HECW1: variants seen among roughly 807,000 people sequenced by gnomAD.
HECW1 encodes the protein HECT, C2 and WW domain containing E3 ubiquitin protein ligase 1.
A neutral mutation model predicts 182.3 loss-of-function variants in HECW1; 61 were observed. The ratio of observed to expected loss-of-function variants is 0.33; its 90% CI spans 0.27 to 0.41. The LOEUF is 0.41. Among genes scored for constraint, HECW1 ranks in the 10% least tolerant of loss-of-function variants. HECW1 has a pLI of 1.00. For missense variants in HECW1, 1,739 were observed against 2,108.9 expected (o/e 0.82, Z 3.44); for synonymous variants, 859 against 832.6 (o/e 1.03, Z -0.55).
intron 17 of HECW1, among the ~76,000 whole-genome samples, chr7:43,488,428 A>AAGAG (rs768380245): frequency 9.3e-6 from 1 of 108,034 alleles, no homozygotes; most frequent in Non-Finnish European, 1.9e-5. Flanking sequence ...GAGAGAAAGA[A>AAGAG]AGAAAGAGAA....
chr7:43,431,329 C>G (rs546219967), intron 8 of HECW1, among the ~76,000 whole-genome samples: 1 of 152,188 alleles, frequency 6.6e-6, no homozygotes, highest in Admixed American at 6.5e-5. Context: ...CTTTGGGACA[C>G]TCAGTCATTC....
intron 8 of HECW1, among the ~76,000 whole-genome samples, chr7:43,424,803 A>G (rs564357737): frequency 1.3e-5 from 2 of 152,294 alleles, no homozygotes; most frequent in East Asian, 1.9e-4. Flanking sequence ...AATTATCACT[A>G]TACTGATACC....
At chr7:43,288,100 C>G (rs1295874741) in intron 3 of HECW1, among the ~76,000 whole-genome samples, 2 of 152,080 alleles carry the variant, frequency 1.3e-5, no homozygotes, top group African/African-American at 4.8e-5. Flanking sequence ...AACATATTCC[C>G]CTTGTCTTGT....
intron 2 of HECW1, among the ~76,000 whole-genome samples, chr7:43,160,881 T>C (rs1484081738): frequency 6.6e-6 from 1 of 152,202 alleles, no homozygotes; most frequent in Non-Finnish European, 1.5e-5. Context: ...TGCTGTGCCT[T>C]TTACAGTTGT....
intron 8 of HECW1, among the ~76,000 whole-genome samples, chr7:43,408,656 A>C (rs2075693279): frequency 1.3e-5 from 2 of 152,112 alleles, no homozygotes; most frequent in African/African-American, 4.8e-5. Flanking sequence ...ACTGCACTCC[A>C]ACCTGGGTGA....
At chr7:43,158,596 T>G (rs779288000) in intron 2 of HECW1, among the ~76,000 whole-genome samples, 3 of 152,204 alleles carry the variant, frequency 2.0e-5, no homozygotes, top group Admixed American at 1.3e-4. Flanking sequence ...ACACCTTTCA[T>G]GTGGATATTC....
chr7:43,260,140 T>G (rs1801015755), intron 3 of HECW1, among the ~76,000 whole-genome samples: 1 of 152,196 alleles, frequency 6.6e-6, no homozygotes, highest in Admixed American at 6.5e-5. Context: ...GAACAATGAA[T>G]GCCTAAAGGC....
intron 19 of HECW1, among the ~76,000 whole-genome samples, chr7:43,498,401 C>A (rs2079197167): frequency 1.3e-5 from 2 of 152,268 alleles, no homozygotes; most frequent in Non-Finnish European, 2.9e-5. Context: ...AGGAGGATAA[C>A]CTGCCCAAGG....
chr7:43,114,374 C>T lies in HECW1; in HGVS notation c.-49C>T. ...TGCGTTTCTCATCAGCAGACTCACT[C>T]CGGCTGTGGCTATTACGGTAATTCA... is the stretch of plus-strand genomic sequence containing the variant. On this transcript the variant is annotated 5_prime_UTR_variant, in exon 2 of 30. Transcript: ENST00000395891. The T allele has an allele frequency of 7.4e-7, 1 of 1,352,006 alleles. No individual in the cohort carries two copies. The allele number at this position is 1,352,006 out of a possible 1,614,324, so 83.8% of individuals were successfully genotyped here.
intron 5 of HECW1, among the ~76,000 whole-genome samples, chr7:43,347,362 T>G (rs1265863883): frequency 6.6e-6 from 1 of 152,208 alleles, no homozygotes; most frequent in Non-Finnish European, 1.5e-5. Flanking sequence ...CTGATTTGTG[T>G]ACATTAATCT....
chr7:43,325,208 A>G (rs576247488), intron 5 of HECW1, among the ~76,000 whole-genome samples: 5 of 152,364 alleles, frequency 3.3e-5, no homozygotes, highest in South Asian at 4.1e-4. Context: ...TGAGAACTCT[A>G]AAGATACAAA....
intron 2 of HECW1, among the ~76,000 whole-genome samples, chr7:43,144,693 TTTC>T (rs762577173): frequency 1.8e-4 from 27 of 152,320 alleles, no homozygotes; most frequent in Non-Finnish European, 3.7e-4. Flanking sequence ...GTTGCTTTAT[TTTC>T]TAGAGCACTT....
In HECW1 at chr7:43,114,227, TTC is replaced by T; in HGVS notation, c.-190_-189del. The stretch of plus-strand genomic sequence containing the variant: ...TAGTTCAAAAATTGAGGGAGGCATC[TTC>T]TCTCTTTTCCTGGGATTTAAACGCG... On this transcript the variant is annotated 5_prime_UTR_variant, in exon 2 of 30. The change abolishes the stop of an existing upstream ORF in the 5' untranslated region. Coordinates refer to ENST00000395891, the MANE Select transcript of HECW1 (RefSeq NM_015052.5). 7.3e-7 allele frequency: 1 copy of T among 1,360,950 alleles called. No homozygotes were observed. The highest frequency in any genetic ancestry group is 1.2e-5 in the South Asian group (1 of 81,018). 84.3% of individuals were successfully genotyped at this position (1,360,950 alleles called of 1,614,324 possible). A position where few individuals can be genotyped will look rare whatever the true frequency, so the allele number is the denominator to read the frequency against.
chr7:43,304,936 A>G (rs939109996), intron 3 of HECW1, among the ~76,000 whole-genome samples: 1 of 152,222 alleles, frequency 6.6e-6, no homozygotes, highest in Non-Finnish European at 1.5e-5. Context: ...ATAAGTTGAC[A>G]GGTAAGGCAG....
intron 6 of HECW1, among the ~76,000 whole-genome samples, chr7:43,393,744 C>G (rs529802457): frequency 1.3e-5 from 2 of 151,040 alleles, no homozygotes; most frequent in African/African-American, 2.4e-5. Flanking sequence ...TTTGTAAATA[C>G]TATGAATGCC....
At chr7:43,560,664 G>A (rs1440727732) in intron 29 of HECW1, among the ~76,000 whole-genome samples, 3 of 152,176 alleles carry the variant, frequency 2.0e-5, no homozygotes, top group Non-Finnish European at 4.4e-5. Context: ...GCAGTGATCT[G>A]ATACTCTGAT....
rs561585030 is a variant in HECW1, at chr7:43,328,633, C to A, written c.460+7891C>A. Among the ~76,000 whole-genome samples, 14 of 152,330 alleles carry A rather than the reference C, an allele frequency of 9.2e-5. No individual in the cohort carries two copies. In the South Asian group the frequency reaches 2.7e-3, roughly 29 times the overall value. ...GCATCTGGGGGACATCAAAATTGAC[C>A]TGCAGTGCATGGAGGTCTCAGTCCC... is the stretch of plus-strand genomic sequence containing the variant. On this transcript the variant is annotated intron_variant, in intron 5 of 29. Coordinates refer to ENST00000395891, the MANE Select transcript of HECW1 (RefSeq NM_015052.5).
At chr7:43,312,395 C>T (rs1248104673) in intron 4 of HECW1, among the ~76,000 whole-genome samples, 1 of 152,196 alleles carries the variant, frequency 6.6e-6, no homozygotes, top group Non-Finnish European at 1.5e-5. Context: ...ATATCAAAGC[C>T]TGTTTTTAAG....
intron 2 of HECW1, among the ~76,000 whole-genome samples, chr7:43,222,559 A>G (rs931467749): frequency 6.6e-6 from 1 of 152,210 alleles, no homozygotes; most frequent in South Asian, 2.1e-4. Context: ...TCTTTTGATC[A>G]TATTTTCTTC....
Sources: gnomAD v4.1 joint callset for allele counts (sites outside exome capture counted in the v4.1 genomes callset) on GRCh38, gnomAD v4.1.1 for gene constraint, MANE v1.5 for transcripts, NCBI Gene and HGNC (gene_info 2026-07-23, HGNC 2026-07-21) for gene names.